Variants in CTNNA3 observed in about 807,000 individuals in gnomAD.
CTNNA3 encodes the protein catenin alpha-3.
In CTNNA3, 76 loss-of-function variants were observed where a neutral mutation model predicts 95.7. That is an observed-to-expected ratio of 0.79 (90% confidence interval 0.66 to 0.96). CTNNA3 has a LOEUF of 0.96. Among genes scored for constraint, CTNNA3 ranks in the 40% least tolerant of loss-of-function variants. The pLI is 0.00. For missense variants in CTNNA3, 1,191 were observed against 1,089.8 expected, an observed-to-expected ratio of 1.09 and a Z score of -1.31; for synonymous variants, 431 against 374.4, an observed-to-expected ratio of 1.15 and a Z score of -1.74.
At chr10:66,389,724 G>GGAGAGAGAGAGAGA (rs3980751) in intron 11 of CTNNA3, among the ~76,000 whole-genome samples, 114 of 145,516 alleles carry the variant, frequency 7.8e-4, no homozygotes, top group Non-Finnish European at 1.3e-3. Flanking sequence ...ATATATATAT[G>GGAGAGAGAGAGAGA]GAGAGAGAGA....
intron 12 of CTNNA3, among the ~76,000 whole-genome samples, chr10:66,312,796 C>T (rs1241721073): frequency 2.6e-5 from 4 of 152,106 alleles, no homozygotes; most frequent in African/African-American, 4.8e-5. Flanking sequence ...ACACCCACCT[C>T]GGCCTCCCAA....
chr10:67,689,479 G>T (rs1425211107), intron 1 of CTNNA3, among the ~76,000 whole-genome samples: 1 of 152,126 alleles, frequency 6.6e-6, no homozygotes, highest in Non-Finnish European at 1.5e-5. Context: ...GACAGGGAGT[G>T]CTTTTTAGAA....
chr10:66,237,438 C>T (rs2089909441), intron 13 of CTNNA3, among the ~76,000 whole-genome samples: 1 of 151,908 alleles, frequency 6.6e-6, no homozygotes, highest in Non-Finnish European at 1.5e-5. Context: ...GTTATTCGAT[C>T]CTCCTTGGCC....
At chr10:66,823,705 T>C (rs1331832612) in intron 7 of CTNNA3, among the ~76,000 whole-genome samples, 1 of 152,232 alleles carries the variant, frequency 6.6e-6, no homozygotes, top group Non-Finnish European at 1.5e-5. Flanking sequence ...TGCTAGACAC[T>C]GCGCTGGACA....
At chr10:66,488,532 AG>A (rs1839815385) in intron 11 of CTNNA3, among the ~76,000 whole-genome samples, 1 of 152,302 alleles carries the variant, frequency 6.6e-6, no homozygotes, top group East Asian at 1.9e-4. Flanking sequence ...AATGGCTATT[AG>A]TAGTTCCTAT....
chr10:67,609,730 A>G (rs1237702725), intron 2 of CTNNA3, among the ~76,000 whole-genome samples: 1 of 152,206 alleles, frequency 6.6e-6, no homozygotes, highest in African/African-American at 2.4e-5. Context: ...TTGGCATTTC[A>G]TGTATATTTT....
At chr10:66,835,281 T>C (rs57228391) in intron 7 of CTNNA3, among the ~76,000 whole-genome samples, 5,565 of 152,202 alleles carry the variant, frequency 0.037, 185 homozygotes, top group African/African-American at 0.088. Flanking sequence ...AAGCAGATAA[T>C]TCAAAAGATG....
chr10:67,521,979 AG>A lies in CTNNA3; in HGVS notation c.460-19del. 1 of 1,605,742 alleles carries A rather than the reference AG, an allele frequency of 6.2e-7. No homozygotes were observed. The highest frequency in any genetic ancestry group is 8.5e-7 in the Non-Finnish European group (1 of 1,175,012). On this transcript the variant is annotated intron_variant, in intron 4 of 17. Coordinates refer to ENST00000433211, the MANE Select transcript of CTNNA3 (RefSeq NM_013266.4). ...CTTTGAAACTGAAATTGAAAACAAA[AG>A]TAGATCATTAGGATAGCAGCAGATT...
chr10:66,764,203 A>G (rs146565722), intron 9 of CTNNA3, among the ~76,000 whole-genome samples: 2,649 of 152,262 alleles, frequency 0.017, 17 homozygotes, highest in Middle Eastern at 0.031. Context: ...CAGTCTCCCA[A>G]TAGTTCATAA....
chr10:67,462,878 G>C (rs544096331), intron 5 of CTNNA3, among the ~76,000 whole-genome samples: 1 of 151,270 alleles, frequency 6.6e-6, no homozygotes, highest in Non-Finnish European at 1.5e-5. Context: ...AATTTACATC[G>C]TAAGATTTCT....
chr10:66,689,720 A>C (rs1480339189), intron 9 of CTNNA3, among the ~76,000 whole-genome samples: 2 of 152,192 alleles, frequency 1.3e-5, no homozygotes, highest in Non-Finnish European at 2.9e-5. Context: ...TAAATCATAA[A>C]TAACAAGTGG....
intron 5 of CTNNA3, among the ~76,000 whole-genome samples, chr10:67,430,171 CA>C (rs1451112298): frequency 6.6e-6 from 1 of 151,852 alleles, no homozygotes; most frequent in Non-Finnish European, 1.5e-5. Context: ...CAAATATGAC[CA>C]AAAATACAAT....
intron 5 of CTNNA3, among the ~76,000 whole-genome samples, chr10:67,493,736 GC>G (rs1400723205): frequency 6.6e-6 from 1 of 152,020 alleles, no homozygotes; most frequent in African/African-American, 2.4e-5. Context: ...CGACTCCCTC[GC>G]TTCTGTCCAA....
chr10:66,375,781 A>C (rs926199074), intron 12 of CTNNA3, among the ~76,000 whole-genome samples: 4 of 152,208 alleles, frequency 2.6e-5, no homozygotes, highest in African/African-American at 4.8e-5. Context: ...ACAAAATTTT[A>C]GAAAAATTTA....
chr10:67,004,182 G>T (rs1287723709), intron 7 of CTNNA3, among the ~76,000 whole-genome samples: 10 of 151,942 alleles, frequency 6.6e-5, no homozygotes. Flanking sequence ...TTAATTAACA[G>T]GGTCATTGAA....
intron 6 of CTNNA3, among the ~76,000 whole-genome samples, chr10:67,216,937 T>A (rs1156259754): frequency 6.6e-6 from 1 of 152,206 alleles, no homozygotes; most frequent in Non-Finnish European, 1.5e-5. Context: ...AAAACCCCTA[T>A]AATTCACACT....
At chr10:66,463,391 C>A (rs894813407) in intron 11 of CTNNA3, among the ~76,000 whole-genome samples, 3 of 152,112 alleles carry the variant, frequency 2.0e-5, no homozygotes, top group Admixed American at 6.6e-5. Context: ...AGGCCCTCAC[C>A]AAATGCAGAT....
chr10:66,336,071 C>T (rs1269722549), intron 12 of CTNNA3, among the ~76,000 whole-genome samples: 1 of 152,084 alleles, frequency 6.6e-6, no homozygotes, highest in African/African-American at 2.4e-5. Flanking sequence ...TTTGCTAAGA[C>T]CATTGGAAAA....
At chr10:66,021,333 C>G (rs558828130) in intron 15 of CTNNA3, among the ~76,000 whole-genome samples, 1 of 152,114 alleles carries the variant, frequency 6.6e-6, no homozygotes, top group Non-Finnish European at 1.5e-5. Flanking sequence ...GAAGAGCAAT[C>G]CACATCCTCA....
Sources: gnomAD v4.1 joint callset for allele counts (sites outside exome capture counted in the v4.1 genomes callset) on GRCh38, gnomAD v4.1.1 for gene constraint, MANE v1.5 for transcripts, NCBI Gene and HGNC (gene_info 2026-07-23, HGNC 2026-07-21) for gene names.